The following DDAH1 variants were observed in gnomAD, a reference collection of about 807,000 sequenced individuals.
DDAH1 encodes the protein N(G),N(G)-dimethylarginine dimethylaminohydrolase 1.
DDAH1 carries 19 observed loss-of-function variants against 28.8 expected under a neutral mutation model. The observed-to-expected ratio is 0.66, with a 90% confidence interval of 0.46 to 0.97. The LOEUF is 0.97. DDAH1 is among the 50% of genes least tolerant of loss of function. The pLI is 0.00. For missense variants in DDAH1, 326 were observed against 375.9 expected, an observed-to-expected ratio of 0.87 and a Z score of 1.10; for synonymous variants, 153 against 154.4, an observed-to-expected ratio of 0.99 and a Z score of 0.07.
rs1400540187 is a variant in DDAH1 at position 85,319,496 on chromosome 1, G to A, written c.*1956C>T. On this transcript the variant is annotated 3_prime_UTR_variant, in exon 6 of 6. Coordinates refer to ENST00000284031, the MANE Select transcript of DDAH1 (RefSeq NM_012137.4). Reference sequence around the variant, plus strand: ...AGATTGGGCCATTTTTCCTGTGGTTGTATTTGAGATGTTGAGCTCTCACAG... The same window carrying A: ...AGATTGGGCCATTTTTCCTGTGGTTATATTTGAGATGTTGAGCTCTCACAG... 1 of 152,214 alleles carries A rather than the reference G, an allele frequency of 6.6e-6. No homozygotes were observed. Among genetic ancestry groups the A allele is most frequent in the African/African-American group, 2.4e-5 (1 of 41,444 alleles). The allele number at this position is 152,214 out of a possible 1,614,324, so 9.4% of individuals were successfully genotyped here.
At chr1:85,334,580 AGT>A (rs904279188) in intron 4 of DDAH1, among the ~76,000 whole-genome samples, 2 of 152,072 alleles carry the variant, frequency 1.3e-5, no homozygotes, top group African/African-American at 4.8e-5. Flanking sequence ...ATGGTTTAAA[AGT>A]GTGTGGCATT....
upstream of DDAH1, among the ~76,000 whole-genome samples, chr1:85,468,188 A>C (rs1255238314): frequency 2.0e-5 from 3 of 152,232 alleles, no homozygotes; most frequent in African/African-American, 7.2e-5. Context: ...ACAGAAGCTT[A>C]TCTCTTGTTC....
intron 1 of DDAH1, among the ~76,000 whole-genome samples, chr1:85,503,391 G>A (rs1656888175): frequency 6.6e-6 from 1 of 152,070 alleles, no homozygotes; most frequent in African/African-American, 2.4e-5. Context: ...AGTAGAAACG[G>A]GTTTTCACCA....
chr1:85,401,572 T>C (rs1652109396), intron 1 of DDAH1, among the ~76,000 whole-genome samples: 1 of 150,318 alleles, frequency 6.7e-6, no homozygotes, highest in African/African-American at 2.5e-5. Flanking sequence ...TGACCAAGGT[T>C]CACTGTCACC....
Position 85,504,486 on chromosome 1 carries a change from C to G in DDAH1, c.-122-8205G>C, listed in dbSNP as rs1287225413. 2.0e-5 allele frequency among the ~76,000 whole-genome samples: 3 copies of G among 152,098 alleles called. No homozygotes were observed. In the East Asian group the frequency reaches 5.8e-4, roughly 29 times the overall value. On this transcript the variant is annotated intron_variant, in intron 1 of 6. Transcript: ENST00000426972. ...GGTCACCATAGTGCTATAGAAGAACCAAGAAAACCATCATTCAGATTTTGA... is the reference window on the plus strand; with the variant it reads ...GGTCACCATAGTGCTATAGAAGAACGAAGAAAACCATCATTCAGATTTTGA...
intron 1 of DDAH1, among the ~76,000 whole-genome samples, chr1:85,413,003 A>C (rs1351227958): frequency 1.3e-5 from 2 of 152,210 alleles, no homozygotes; most frequent in Non-Finnish European, 2.9e-5. Context: ...CCTCTCTCAA[A>C]AAATAAATTT....
chr1:85,397,749 G>A (rs1353482223), intron 1 of DDAH1, among the ~76,000 whole-genome samples: 5 of 152,108 alleles, frequency 3.3e-5, no homozygotes, highest in Non-Finnish European at 5.9e-5. Flanking sequence ...AGAATGCCTC[G>A]CTTCAAGGAT....
At chr1:85,438,978 C>T (rs1299969425) in intron 1 of DDAH1, among the ~76,000 whole-genome samples, 1 of 152,194 alleles carries the variant, frequency 6.6e-6, no homozygotes, top group East Asian at 1.9e-4. Context: ...AACTCGTCTT[C>T]ACTAAGTCTG....
chr1:85,344,920 T>TA (rs1648747389), intron 4 of DDAH1, among the ~76,000 whole-genome samples: 1 of 152,118 alleles, frequency 6.6e-6, no homozygotes, highest in Admixed American at 6.5e-5. Context: ...TGTAGAATGG[T>TA]AAAGCAGGGG....
chr1:85,376,560 T>G (rs1385235461), intron 1 of DDAH1, among the ~76,000 whole-genome samples: 1 of 151,960 alleles, frequency 6.6e-6, no homozygotes, highest in African/African-American at 2.4e-5. Flanking sequence ...GTGAGCAGAG[T>G]TGGAGAAGCT....
At chr1:85,340,078 G>T (rs895660286) in intron 4 of DDAH1, among the ~76,000 whole-genome samples, 1 of 152,172 alleles carries the variant, frequency 6.6e-6, no homozygotes, top group South Asian at 2.1e-4. Flanking sequence ...GGTGGGCCTT[G>T]AGAGAGAGTA....
intron 4 of DDAH1, among the ~76,000 whole-genome samples, chr1:85,329,889 T>G (rs1353210218): frequency 6.6e-6 from 1 of 152,230 alleles, no homozygotes; most frequent in East Asian, 1.9e-4. Flanking sequence ...AAAAGGGATG[T>G]ATGAAGTGGT....
At chr1:85,551,640 G>A (rs1658795230) in intron 1 of DDAH1, among the ~76,000 whole-genome samples, 1 of 152,170 alleles carries the variant, frequency 6.6e-6, no homozygotes, top group South Asian at 2.1e-4. Flanking sequence ...CTCCTTCAAG[G>A]GGCTCAGTCT....
chr1:85,352,864 G>A (rs1369850304), intron 2 of DDAH1, among the ~76,000 whole-genome samples: 2 of 148,312 alleles, frequency 1.3e-5, no homozygotes, highest in Non-Finnish European at 3.0e-5. Flanking sequence ...TGTTAAGTGA[G>A]AATTTATTAT....
chr1:85,501,277 G>A (rs1392640226), intron 1 of DDAH1, among the ~76,000 whole-genome samples: 2 of 152,082 alleles, frequency 1.3e-5, no homozygotes, highest in Non-Finnish European at 1.5e-5. Context: ...CTTGAGTCCA[G>A]GGCTAGAGTA....
intron 1 of DDAH1, among the ~76,000 whole-genome samples, chr1:85,439,500 C>T (rs1332363056): frequency 6.6e-6 from 1 of 152,218 alleles, no homozygotes; most frequent in Non-Finnish European, 1.5e-5. Context: ...TACAGAGATT[C>T]CTGCACATTA....
rs943569600 is a variant in DDAH1, at chr1:85,372,009, CT to C, written c.304-13163del. On this transcript the variant is annotated intron_variant, in intron 1 of 5. Coordinates refer to ENST00000284031, the MANE Select transcript of DDAH1 (RefSeq NM_012137.4). ...TGATTTCTGGGGGGGAATTTTGCTG[CT>C]TTTTTTTTCCTTCCTAGTCCTTAGC... 1.8e-4 allele frequency among the ~76,000 whole-genome samples: 27 copies of C among 151,084 alleles called. 1 individual carries two copies. The highest frequency in any genetic ancestry group is 4.1e-4 in the African/African-American group (17 of 41,144).
chr1:85,394,222 A>G (rs952704703), intron 1 of DDAH1, among the ~76,000 whole-genome samples: 15 of 152,222 alleles, frequency 9.9e-5, no homozygotes, highest in African/African-American at 3.1e-4. Context: ...CTTTCTCATG[A>G]GACTAGGTTA....
intron 1 of DDAH1, among the ~76,000 whole-genome samples, chr1:85,503,801 G>A (rs1256213508): frequency 1.3e-5 from 2 of 152,140 alleles, no homozygotes; most frequent in Non-Finnish European, 2.9e-5. Context: ...CATGAGATAG[G>A]GAGATGAGGG....
Sources: allele counts gnomAD v4.1 joint callset (sites outside exome capture counted in the v4.1 genomes callset), GRCh38; gene constraint gnomAD v4.1.1; transcripts MANE v1.5; gene names NCBI Gene and HGNC (gene_info 2026-07-23, HGNC 2026-07-21).